The following SLC12A8 variants were observed in gnomAD, a reference collection of about 807,000 sequenced individuals.
SLC12A8 encodes the protein cation-chloride cotransporter 9.
In SLC12A8, 69 loss-of-function variants were observed where a neutral mutation model predicts 75.6. The ratio of observed to expected loss-of-function variants is 0.91; its 90% CI spans 0.75 to 1.11. The LOEUF (loss-of-function observed/expected upper bound fraction) is 1.11, where lower values mean the gene tolerates loss of function less well. Among genes scored for constraint, SLC12A8 ranks in the 50% most tolerant of loss-of-function variants. SLC12A8 has a pLI of 0.00. For synonymous variants in SLC12A8, 365 were observed against 372.8 expected, an observed-to-expected ratio of 0.98 and a Z score of 0.24; for missense variants, 877 against 896.7, an observed-to-expected ratio of 0.98 and a Z score of 0.28.
At chr3:125,181,587 G>A (rs1476999730) in intron 4 of SLC12A8, among the ~76,000 whole-genome samples, 2 of 114,620 alleles carry the variant, frequency 1.7e-5, no homozygotes, top group Non-Finnish European at 3.3e-5. Context: ...CGGCCTGGGC[G>A]ACAGAGCGAG....
At position 125,110,304 on chromosome 3, in the gene SLC12A8, C is replaced by T; in HGVS notation, c.944G>A (p.Gly315Asp). 6.2e-7 allele frequency: 1 copy of T among 1,613,962 alleles called. No individual in the cohort carries two copies. Among genetic ancestry groups the T allele is most frequent in the Non-Finnish European group, 8.5e-7 (1 of 1,179,946 alleles). ...VSLMGFLFLL[G>D]LYISSLASCM... ...GGAAGCCAGGGACGAGATGTATAAG[C>T]CCAAAAGGAACAGGAAGCCCATGAG... The change falls in exon 9 of 14, where the codon GGC becomes GAC. Residue 315 changes from glycine to aspartate, a missense_variant. Gly to Asp is a moderately conservative substitution (Grantham distance 94). Coordinates refer to ENST00000469902, the MANE Select transcript of SLC12A8 (RefSeq NM_024628.6).
At chr3:125,120,022 G>A (rs934667432) in intron 7 of SLC12A8, 205 of 390,508 alleles carry the variant, frequency 5.2e-4, no homozygotes, top group Non-Finnish European at 6.9e-4. Context: ...CTGGAGGGGA[G>A]GCTCACTGGG....
At chr3:125,158,043 C>T (rs1201688101) in intron 5 of SLC12A8, among the ~76,000 whole-genome samples, 1 of 151,926 alleles carries the variant, frequency 6.6e-6, no homozygotes, top group Non-Finnish European at 1.5e-5. Context: ...GGAAGGATGG[C>T]GGAAATGAAG....
At chr3:125,138,237 C>T (rs1369261867) in intron 5 of SLC12A8, among the ~76,000 whole-genome samples, 2 of 152,028 alleles carry the variant, frequency 1.3e-5, no homozygotes, top group East Asian at 3.9e-4. Flanking sequence ...CCCATCTCTA[C>T]TAAAAATACA....
intron 8 of SLC12A8, among the ~76,000 whole-genome samples, chr3:125,113,485 A>G (rs1939235187): frequency 6.6e-6 from 1 of 152,204 alleles, no homozygotes; most frequent in South Asian, 2.1e-4. Flanking sequence ...CCATTCAGGA[A>G]GCATTTCCTG....
intron 8 of SLC12A8, among the ~76,000 whole-genome samples, chr3:125,111,965 G>A (rs547810510): frequency 2.8e-4 from 43 of 152,336 alleles, no homozygotes; most frequent in Admixed American, 2.0e-3. Flanking sequence ...CTGCTGCCCT[G>A]TGGATGGATT....
At chr3:125,165,382 C>A (rs1934262627) in intron 5 of SLC12A8, among the ~76,000 whole-genome samples, 1 of 152,248 alleles carries the variant, frequency 6.6e-6, no homozygotes, top group Non-Finnish European at 1.5e-5. Flanking sequence ...CCATCCCGGG[C>A]ACTGCAGGGC....
intron 6 of SLC12A8, among the ~76,000 whole-genome samples, chr3:125,126,149 C>T (rs74534074): frequency 0.033 from 5,072 of 152,310 alleles, 128 homozygotes; most frequent in Middle Eastern, 0.095. Flanking sequence ...CTTGGTCTTC[C>T]ACCCCAGTCC....
intron 5 of SLC12A8, among the ~76,000 whole-genome samples, chr3:125,163,382 C>T (rs1016221621): frequency 4.0e-5 from 6 of 151,798 alleles, no homozygotes; most frequent in South Asian, 2.1e-4. Flanking sequence ...CCGAGGTGGA[C>T]GGATCACGAG....
At chr3:125,107,272 G>T (rs554955179) in intron 10 of SLC12A8, among the ~76,000 whole-genome samples, 1 of 152,298 alleles carries the variant, frequency 6.6e-6, no homozygotes, top group African/African-American at 2.4e-5. Context: ...GGAGTAGATA[G>T]AAATTTCTGT....
intron 10 of SLC12A8, among the ~76,000 whole-genome samples, chr3:125,106,897 G>A (rs183129228): frequency 5.3e-5 from 8 of 152,312 alleles, no homozygotes; most frequent in Admixed American, 5.2e-4. Flanking sequence ...TATATTACAC[G>A]AAGTAATAGA....
Position 125,135,677 on chromosome 3 carries a change from G to A in SLC12A8, c.728C>T (p.Ala243Val), listed in dbSNP as rs769225257. 21 of 1,595,594 alleles carry A rather than the reference G, an allele frequency of 1.3e-5. No individual in the cohort carries two copies. The highest frequency in any genetic ancestry group is 4.5e-5 in the South Asian group (4 of 88,020). The change falls in exon 6 of 14, where the codon GCG becomes GTG. Residue 243 changes from alanine to valine, a missense_variant. Transcript: ENST00000469902. ...AACCCAGATTACAATACCTGTAGCC[G>A]CTGGGAAGAAAACCCCAAAGACAGT... ...FFTVFGVFFP[A>V]ATGVMAGFNM...
At chr3:125,211,815 T>G (rs562176292) in intron 1 of SLC12A8, among the ~76,000 whole-genome samples, 40 of 152,162 alleles carry the variant, frequency 2.6e-4, no homozygotes, top group African/African-American at 9.6e-4. Context: ...TGAGTGAATG[T>G]AGCTGCGCCC....
rs535539485 is a variant in SLC12A8 at position 125,131,871 on chromosome 3, G to C, written c.736+3798C>G. ...AGAGAGAGGCTGTTCCCAGGTTCTGGGGAAATGAGGACCTGGAACCCCCAC... is the reference window on the plus strand; with the variant it reads ...AGAGAGAGGCTGTTCCCAGGTTCTGCGGAAATGAGGACCTGGAACCCCCAC... On this transcript the variant is annotated intron_variant, in intron 6 of 13. Transcript: ENST00000469902. Among the ~76,000 whole-genome samples, 3 of 152,234 alleles carry C rather than the reference G, an allele frequency of 2.0e-5. 1 individual carries two copies. Among genetic ancestry groups the C allele is most frequent in the Non-Finnish European group, 4.4e-5 (3 of 68,014 alleles).
At chr3:125,116,824 G>C (rs951712228) in intron 8 of SLC12A8, among the ~76,000 whole-genome samples, 1 of 152,292 alleles carries the variant, frequency 6.6e-6, no homozygotes, top group South Asian at 2.1e-4. Flanking sequence ...CATTTCCCTC[G>C]GTCAAACCAG....
chr3:125,096,880 G>A (rs1328588235), intron 10 of SLC12A8, among the ~76,000 whole-genome samples: 4 of 151,604 alleles, frequency 2.6e-5, no homozygotes, highest in Non-Finnish European at 4.4e-5. Context: ...ATCACAGTGT[G>A]TATTTGCTTA....
chr3:125,094,795 T>C (rs1243364452), intron 10 of SLC12A8, among the ~76,000 whole-genome samples: 3 of 152,246 alleles, frequency 2.0e-5, no homozygotes, highest in Non-Finnish European at 4.4e-5. Flanking sequence ...TGATTGTATC[T>C]ACTTTTCCAC....
intron 5 of SLC12A8, among the ~76,000 whole-genome samples, chr3:125,170,300 C>T (rs145342152): frequency 1.3e-5 from 2 of 152,302 alleles, no homozygotes; most frequent in African/African-American, 4.8e-5. Flanking sequence ...AGCAATGATC[C>T]TGCAGAAATT....
At chr3:125,098,519 A>G (rs1210627411) in intron 10 of SLC12A8, among the ~76,000 whole-genome samples, 1 of 151,490 alleles carries the variant, frequency 6.6e-6, no homozygotes, top group Non-Finnish European at 1.5e-5. Flanking sequence ...AGGGACTTCT[A>G]GCCATGGCAG....
Sources: allele counts gnomAD v4.1 joint callset (sites outside exome capture counted in the v4.1 genomes callset), GRCh38; gene constraint gnomAD v4.1.1; transcripts MANE v1.5; gene names NCBI Gene and HGNC (gene_info 2026-07-23, HGNC 2026-07-21).